Variants in CELF2 observed in about 807,000 individuals in gnomAD.
CELF2 encodes the protein CUGBP Elav-like family member 2.
In CELF2, 8 loss-of-function variants were observed where a neutral mutation model predicts 62.6. That is an observed-to-expected ratio of 0.13 (90% confidence interval 0.07 to 0.23). CELF2 has a LOEUF of 0.23. Among genes scored for constraint, CELF2 ranks in the 10% least tolerant of loss-of-function variants. The pLI is 1.00. For missense variants in CELF2, 333 were observed against 671.0 expected (o/e 0.50, Z 5.56); for synonymous variants, 258 against 250.0 (o/e 1.03, Z -0.30).
intron 2 of CELF2, among the ~76,000 whole-genome samples, chr10:10,962,767 TGAAG>T (rs1200800502): frequency 6.6e-6 from 1 of 152,052 alleles, no homozygotes; most frequent in Non-Finnish European, 1.5e-5. Context: ...AGAGAGGAAA[TGAAG>T]GAAGAAGGGA....
intron 2 of CELF2, among the ~76,000 whole-genome samples, chr10:11,197,070 G>GAAAGAAAGAAGGAAAGAAAGGAAA (rs1329770894): frequency 9.0e-5 from 7 of 78,100 alleles, no homozygotes; most frequent in African/African-American, 3.5e-4. Flanking sequence ...AAGAAAGAAA[G>GAAAGAAAGAAGGAAAGAAAGGAAA]GAAAGAAAGA....
At chr10:10,618,446 C>T in the CELF2 span, among the ~76,000 whole-genome samples, 10 of 152,114 alleles carry the variant, frequency 6.6e-5, no homozygotes, top group Admixed American at 6.5e-4. Context: ...GATGAAATCT[C>T]ACTTTTCTTT....
rs760978191 is a variant in CELF2 at position 11,177,530 on chromosome 10, C to T, written c.271+11848C>T. On this transcript the variant is annotated intron_variant, in intron 2 of 12. Coordinates refer to ENST00000633077, the MANE Select transcript of CELF2 (RefSeq NM_001326342.2). The surrounding 1 kb of genome is among the most constrained non-coding windows in gnomAD (Gnocchi z 4.8). ...GAAATGTTGCTTAATTTGTACACTT[C>T]CCTGCAGTGCTGGAAATGGACTTTT... 6.6e-6 allele frequency among the ~76,000 whole-genome samples: 1 copy of T among 152,074 alleles called. No individual in the cohort carries two copies. The highest frequency in any genetic ancestry group is 1.5e-5 in the Non-Finnish European group (1 of 68,028).
chr10:11,304,565 C>T (rs1246498320), intron 9 of CELF2, among the ~76,000 whole-genome samples: 4 of 152,102 alleles, frequency 2.6e-5, no homozygotes, highest in Admixed American at 2.0e-4. Context: ...ATCACATGGC[C>T]GGGGCTGAGT....
At chr10:10,807,560 T>A (rs1235072962) in intron 1 of CELF2, among the ~76,000 whole-genome samples, 1 of 152,174 alleles carries the variant, frequency 6.6e-6, no homozygotes, top group Non-Finnish European at 1.5e-5. Flanking sequence ...CAAGAACAAA[T>A]TCTGAATTCT....
chr10:10,661,214 A>G, the CELF2 span, among the ~76,000 whole-genome samples: 2 of 152,236 alleles, frequency 1.3e-5, no homozygotes. Context: ...TTTGATTTTT[A>G]TCACCATGGA....
the CELF2 span, among the ~76,000 whole-genome samples, chr10:10,559,827 T>C: frequency 6.6e-6 from 1 of 152,206 alleles, no homozygotes; most frequent in Non-Finnish European, 1.5e-5. Flanking sequence ...TCTCCCCATG[T>C]GACTATGGCC....
chr10:10,948,201 T>A (rs1056768325), intron 2 of CELF2: 7 of 152,230 alleles, frequency 4.6e-5, no homozygotes, highest in Non-Finnish European at 8.8e-5. Context: ...GTCCTCCAGT[T>A]CTGTATTCTT....
At chr10:11,171,145 T>C (rs2068736662) in intron 2 of CELF2, 1 of 152,178 alleles carries the variant, frequency 6.6e-6, no homozygotes, top group South Asian at 2.1e-4. Context: ...TTTCTTGCAG[T>C]ATGTTGGGAG....
At chr10:11,049,708 A>C (rs908171604) in intron 1 of CELF2, among the ~76,000 whole-genome samples, 2 of 152,150 alleles carry the variant, frequency 1.3e-5, no homozygotes, top group Admixed American at 1.3e-4. Context: ...GGTTACTCAT[A>C]ATGACTTGCC....
chr10:11,155,559 C>T (rs1007049662), intron 1 of CELF2, among the ~76,000 whole-genome samples: 3 of 152,330 alleles, frequency 2.0e-5, no homozygotes, highest in Non-Finnish European at 2.9e-5. Flanking sequence ...ACATACGTTT[C>T]TGTCTGCTCT....
rs187770286 is a variant in CELF2 at position 10,957,819 on chromosome 10, G to A, written c.89+37820G>A. ...ATCGGTTTTCCCCATCTTCCTAATTGGGATCACATTCTCTGCTAAGTCTTC... is the reference window on the plus strand; with the variant it reads ...ATCGGTTTTCCCCATCTTCCTAATTAGGATCACATTCTCTGCTAAGTCTTC... On this transcript the variant is annotated intron_variant, in intron 2 of 13. Transcript: ENST00000636488. This position sits in a 1 kb window ranked among gnomAD's most constrained non-coding sequence, Gnocchi z 4.1. Among the ~76,000 whole-genome samples, 17 of 152,218 alleles carry A rather than the reference G, an allele frequency of 1.1e-4. No homozygotes were observed. The highest frequency in any genetic ancestry group is 9.2e-4 in the Admixed American group (14 of 15,280).
intron 1 of CELF2, among the ~76,000 whole-genome samples, chr10:10,800,050 G>A (rs1388335521): frequency 7.8e-6 from 1 of 128,490 alleles, no homozygotes; most frequent in Non-Finnish European, 1.6e-5. Context: ...GTATTAATTT[G>A]CTAAGTTTTT....
chr10:10,880,830 C>T (rs2061396189), intron 1 of CELF2, among the ~76,000 whole-genome samples: 1 of 152,140 alleles, frequency 6.6e-6, no homozygotes, highest in South Asian at 2.1e-4. Flanking sequence ...GTGCCTGTTT[C>T]CCGAATTCTT....
chr10:10,805,446 A>T (rs912212156), intron 1 of CELF2, among the ~76,000 whole-genome samples: 15 of 151,934 alleles, frequency 9.9e-5, no homozygotes, highest in Non-Finnish European at 2.1e-4. Flanking sequence ...CTCAGTTACG[A>T]CTCAGTACTT....
rs35371619 is a variant in CELF2 at position 10,947,518 on chromosome 10, TC to T, written c.89+27523del. 1 of 152,598 alleles carries T rather than the reference TC, an allele frequency of 6.6e-6. No individual in the cohort carries two copies. Among genetic ancestry groups the T allele is most frequent in the African/African-American group, 2.4e-5 (1 of 41,430 alleles). 9.5% of individuals were successfully genotyped at this position (152,598 alleles called of 1,614,324 possible). On this transcript the variant is annotated intron_variant, in intron 2 of 13. Coordinates refer to the CELF2 transcript ENST00000636488. This position sits in a 1 kb window ranked among gnomAD's most constrained non-coding sequence, Gnocchi z 4.1. ...TAACTGGTGATGGTCAGATTAACAT[TC>T]CCCGAATTTGTTGATTATTTCGTGT...
chr10:10,762,762 T>C, the CELF2 span, among the ~76,000 whole-genome samples: 47,759 of 151,608 alleles, frequency 0.32, 8,138 homozygotes, highest in East Asian at 0.51. Flanking sequence ...AAAAATGAGG[T>C]CAGCTGTGGT....
intron 1 of CELF2, among the ~76,000 whole-genome samples, chr10:10,851,823 A>G (rs187104825): frequency 4.9e-4 from 75 of 152,352 alleles, no homozygotes; most frequent in African/African-American, 1.8e-3. Context: ...AAGAAGGCAT[A>G]TAGATGACCA....
chr10:11,210,782 C>T (rs968047498), intron 2 of CELF2, among the ~76,000 whole-genome samples: 1 of 152,176 alleles, frequency 6.6e-6, no homozygotes, highest in Admixed American at 6.5e-5. Context: ...TCTGAAGTTC[C>T]TGCCCTGCAG....
Sources: gnomAD v4.1 joint callset for allele counts (sites outside exome capture counted in the v4.1 genomes callset) on GRCh38, gnomAD v4.1.1 for gene constraint, Gnocchi (gnomAD v3.1) non-coding constraint, MANE v1.5 for transcripts, NCBI Gene and HGNC (gene_info 2026-07-23, HGNC 2026-07-21) for gene names.